Variants in AGBL4 observed in about 807,000 individuals in gnomAD.
AGBL4 encodes AGBL carboxypeptidase 4, also known as cytosolic carboxypeptidase 6.
In AGBL4, 58 loss-of-function variants were observed where a neutral mutation model predicts 66.4. That is an observed-to-expected ratio of 0.87 (90% CI 0.71 to 1.09). AGBL4 has a LOEUF of 1.09. Ranked by LOEUF, AGBL4 falls within the 50% of genes least tolerant of loss-of-function variation. The pLI is 0.00. For missense variants in AGBL4, 579 were observed against 631.0 expected (o/e 0.92, Z 0.88); for synonymous variants, 234 against 222.9 (o/e 1.05, Z -0.44).
In AGBL4 at chr1:48,832,219, C is replaced by T. The variant is rs1646569657; in HGVS notation, c.634+34972G>A. ...CACTGGAAAATGCTTGGGGTTTCCT[C>T]TCCTGGAGCTGCATCCGCTCACTGG... On this transcript the variant is annotated intron_variant, in intron 6 of 13. Coordinates refer to ENST00000371839, the MANE Select transcript of AGBL4 (RefSeq NM_032785.4). 2.6e-5 allele frequency among the ~76,000 whole-genome samples: 4 copies of T among 152,136 alleles called. No individual in the cohort carries two copies. In the South Asian group the frequency reaches 8.3e-4, roughly 32 times the overall value.
chr1:49,268,501 T>C (rs1643981438), intron 3 of AGBL4, among the ~76,000 whole-genome samples: 2 of 151,070 alleles, frequency 1.3e-5, no homozygotes, highest in Non-Finnish European at 2.9e-5. Context: ...AGTGTGATCA[T>C]GGCTCATGCA....
rs116565054 is a variant in AGBL4 at position 49,669,737 on chromosome 1, C to T, written c.282+27576G>A. ...AGGTGCTCTGAATATGTTTAATCTT[C>T]CCAATAAGGCAAATCTTATCACATC... On this transcript the variant is annotated intron_variant, in intron 3 of 13. Transcript: ENST00000371839. 3.1e-3 allele frequency among the ~76,000 whole-genome samples: 469 copies of T among 152,146 alleles called. 5 individuals carry two copies. Among genetic ancestry groups the T allele is most frequent in the African/African-American group, 0.011 (455 of 41,532 alleles).
chr1:48,542,779 T>C (rs1644095022), intron 11 of AGBL4, among the ~76,000 whole-genome samples: 1 of 152,206 alleles, frequency 6.6e-6, no homozygotes, highest in South Asian at 2.1e-4. Context: ...TTTCTTCCAT[T>C]CTGTAGCTTG....
At chr1:49,679,773 C>T (rs1646652662) in intron 3 of AGBL4, among the ~76,000 whole-genome samples, 1 of 151,984 alleles carries the variant, frequency 6.6e-6, no homozygotes, top group African/African-American at 2.4e-5. Flanking sequence ...GGTAGCATAC[C>T]ATATATACAT....
chr1:49,560,063 G>T (rs1377254784), intron 3 of AGBL4, among the ~76,000 whole-genome samples: 1 of 151,970 alleles, frequency 6.6e-6, no homozygotes, highest in Non-Finnish European at 1.5e-5. Context: ...CTCTTCAATG[G>T]CCAGACACTC....
intron 3 of AGBL4, chr1:49,527,322 A>T (rs1313322060): frequency 1.3e-5 from 2 of 152,164 alleles, no homozygotes; most frequent in East Asian, 3.8e-4. Context: ...CAAGCCCATG[A>T]ACATCAAGCA....
chr1:49,514,109 G>A (rs992299928), intron 3 of AGBL4, among the ~76,000 whole-genome samples: 8 of 151,872 alleles, frequency 5.3e-5, no homozygotes, highest in African/African-American at 1.9e-4. Context: ...TCAGCTTAAG[G>A]AGATTTTGGG....
chr1:49,028,372 G>C (rs1663907541), intron 5 of AGBL4, among the ~76,000 whole-genome samples: 1 of 152,092 alleles, frequency 6.6e-6, no homozygotes, highest in Admixed American at 6.6e-5. Flanking sequence ...ATTAATACAG[G>C]GTAATAGCTT....
intron 5 of AGBL4, among the ~76,000 whole-genome samples, chr1:48,925,774 G>A (rs1298732907): frequency 6.6e-6 from 1 of 152,180 alleles, no homozygotes; most frequent in Non-Finnish European, 1.5e-5. Flanking sequence ...ATATATGTGT[G>A]TATAGATTAA....
intron 3 of AGBL4, among the ~76,000 whole-genome samples, chr1:49,450,384 T>C (rs1205693391): frequency 6.6e-6 from 1 of 152,032 alleles, no homozygotes; most frequent in Non-Finnish European, 1.5e-5. Flanking sequence ...GGAATACCAA[T>C]ATTTAAAAGT....
chr1:49,988,744 T>G (rs1305785274), intron 1 of AGBL4, among the ~76,000 whole-genome samples: 1 of 152,178 alleles, frequency 6.6e-6, no homozygotes, highest in African/African-American at 2.4e-5. Context: ...ACTATGATTC[T>G]GCAGCTATAA....
intron 1 of AGBL4, among the ~76,000 whole-genome samples, chr1:50,012,786 A>T (rs1157383670): frequency 6.6e-6 from 1 of 152,180 alleles, no homozygotes; most frequent in Non-Finnish European, 1.5e-5. Context: ...CCTAAATGTG[A>T]AACTGCATTA....
At chr1:49,658,482 A>G (rs1341399063) in intron 3 of AGBL4, among the ~76,000 whole-genome samples, 23 of 152,174 alleles carry the variant, frequency 1.5e-4, no homozygotes, top group Non-Finnish European at 2.5e-4. Context: ...TAGAAATACC[A>G]TTTGACCCAG....
At chr1:48,744,250 C>T (rs1343856661) in intron 6 of AGBL4, among the ~76,000 whole-genome samples, 7 of 152,220 alleles carry the variant, frequency 4.6e-5, no homozygotes, top group African/African-American at 1.7e-4. Context: ...TGAGTAGGCA[C>T]TCTCTAAATG....
At chr1:48,890,745 C>T (rs1650860397) in intron 5 of AGBL4, among the ~76,000 whole-genome samples, 1 of 152,174 alleles carries the variant, frequency 6.6e-6, no homozygotes, top group Non-Finnish European at 1.5e-5. Context: ...GTACTCTATT[C>T]TGTGGCAGCA....
chr1:49,386,488 A>G (rs1644739729), intron 3 of AGBL4, among the ~76,000 whole-genome samples: 1 of 152,004 alleles, frequency 6.6e-6, no homozygotes, highest in South Asian at 2.1e-4. Flanking sequence ...GCCATTTAAA[A>G]TGTGTATACG....
chr1:49,363,595 G>T (rs1644185073), intron 3 of AGBL4, among the ~76,000 whole-genome samples: 1 of 152,160 alleles, frequency 6.6e-6, no homozygotes, highest in Non-Finnish European at 1.5e-5. Flanking sequence ...CACTAGGGGG[G>T]AGTTACGGGT....
chr1:48,960,361 T>C (rs1310278095), intron 5 of AGBL4, among the ~76,000 whole-genome samples: 1 of 152,344 alleles, frequency 6.6e-6, no homozygotes, highest in South Asian at 2.1e-4. Flanking sequence ...GTACTTCATA[T>C]GCTTATCCAA....
At chr1:49,321,838 C>T (rs1033813128) in intron 3 of AGBL4, among the ~76,000 whole-genome samples, 3 of 152,166 alleles carry the variant, frequency 2.0e-5, no homozygotes, top group Non-Finnish European at 4.4e-5. Context: ...ATGTGATTAT[C>T]GTTGGCCAAT....
Sources: gnomAD v4.1 joint callset for allele counts (sites outside exome capture counted in the v4.1 genomes callset) on GRCh38, gnomAD v4.1.1 for gene constraint, MANE v1.5 for transcripts, NCBI Gene and HGNC (gene_info 2026-07-23, HGNC 2026-07-21) for gene names.